The following HS3ST4 variants were observed in gnomAD, a reference collection of about 807,000 sequenced individuals.
HS3ST4 encodes heparan sulfate-glucosamine 3-sulfotransferase 4.
A neutral mutation model predicts 29.2 loss-of-function variants in HS3ST4; 17 were observed. The ratio of observed to expected loss-of-function variants is 0.58; its 90% confidence interval spans 0.40 to 0.87. The LOEUF (loss-of-function observed/expected upper bound fraction) is 0.87, where lower values mean the gene tolerates loss of function less well. Among genes scored for constraint, HS3ST4 ranks in the 40% least tolerant of loss-of-function variants. The pLI, the probability that HS3ST4 is intolerant of heterozygous loss-of-function variation, is 0.00. For synonymous variants in HS3ST4, 314 were observed against 285.7 expected (o/e 1.10, Z -1.00); for missense variants, 627 against 634.5 (o/e 0.99, Z 0.13).
At chr16:25,832,203 G>C (rs908465631) in intron 1 of HS3ST4, among the ~76,000 whole-genome samples, 2 of 152,184 alleles carry the variant, frequency 1.3e-5, no homozygotes, top group East Asian at 3.9e-4. Context: ...TCTCCATCAG[G>C]GTCTTGTTCC....
chr16:26,040,867 A>G (rs1969631187), intron 1 of HS3ST4, among the ~76,000 whole-genome samples: 2 of 151,990 alleles, frequency 1.3e-5, no homozygotes, highest in South Asian at 4.2e-4. Flanking sequence ...CCTAATTTTC[A>G]TATTACCTCA....
At chr16:25,870,070 C>G (rs1396239958) in intron 1 of HS3ST4, among the ~76,000 whole-genome samples, 1 of 149,056 alleles carries the variant, frequency 6.7e-6, no homozygotes, top group Non-Finnish European at 1.5e-5. Flanking sequence ...CATCATTCAT[C>G]CACTTATGCA....
At chr16:25,708,481 T>C (rs1039724102) in intron 1 of HS3ST4, among the ~76,000 whole-genome samples, 6 of 152,234 alleles carry the variant, frequency 3.9e-5, no homozygotes, top group African/African-American at 1.4e-4. Flanking sequence ...GCAGGTGGAA[T>C]TTTTCTTTCC....
At chr16:26,016,097 T>C (rs1969359797) in intron 1 of HS3ST4, among the ~76,000 whole-genome samples, 1 of 152,154 alleles carries the variant, frequency 6.6e-6, no homozygotes, top group African/African-American at 2.4e-5. Flanking sequence ...TTAGAGTAAA[T>C]CCAGAAATCA....
At chr16:25,906,154 G>C (rs1014773437) in intron 1 of HS3ST4, among the ~76,000 whole-genome samples, 3 of 152,142 alleles carry the variant, frequency 2.0e-5, no homozygotes, top group African/African-American at 7.2e-5. Flanking sequence ...TGGCAATTTG[G>C]GGTGTTGAGA....
intron 1 of HS3ST4, among the ~76,000 whole-genome samples, chr16:25,945,335 T>G (rs1209585605): frequency 2.6e-5 from 4 of 152,208 alleles, no homozygotes; most frequent in Non-Finnish European, 4.4e-5. Context: ...TACATGTTAA[T>G]GCATTTTTCA....
At chr16:25,718,665 G>A (rs1158925537) in intron 1 of HS3ST4, among the ~76,000 whole-genome samples, 1 of 152,132 alleles carries the variant, frequency 6.6e-6, no homozygotes, top group East Asian at 1.9e-4. Context: ...CTCCAATTAG[G>A]TATGATAACG....
intron 1 of HS3ST4, among the ~76,000 whole-genome samples, chr16:25,794,922 CACACACACACACACACAT>C (rs972938035): frequency 4.0e-5 from 6 of 149,348 alleles, no homozygotes; most frequent in African/African-American, 1.2e-4. Context: ...CACACACACA[CACACACACACACACACAT>C]ATATATTCAT....
intron 1 of HS3ST4, among the ~76,000 whole-genome samples, chr16:25,810,682 C>T (rs2141628156): frequency 6.6e-6 from 1 of 152,290 alleles, no homozygotes; most frequent in African/African-American, 2.4e-5. Flanking sequence ...CAGTGCCTAG[C>T]ATATAATATG....
intron 1 of HS3ST4, among the ~76,000 whole-genome samples, chr16:25,984,703 C>T (rs1489817535): frequency 6.6e-6 from 1 of 152,164 alleles, no homozygotes; most frequent in Non-Finnish European, 1.5e-5. Context: ...AACATAATGC[C>T]CTCCAGTTCC....
chr16:25,753,858 A>G (rs538803881), intron 1 of HS3ST4, among the ~76,000 whole-genome samples: 8 of 152,096 alleles, frequency 5.3e-5, no homozygotes, highest in Non-Finnish European at 1.2e-4. Context: ...ATTTTCCCGT[A>G]TTTATTCAGC....
chr16:26,052,446 A>G (rs1248879843), intron 1 of HS3ST4, among the ~76,000 whole-genome samples: 3 of 152,092 alleles, frequency 2.0e-5, no homozygotes, highest in African/African-American at 7.2e-5. Flanking sequence ...TTTCGGCTCA[A>G]TGCAACCTCT....
At chr16:26,070,272 C>A in intron 1 of HS3ST4, among the ~76,000 whole-genome samples, 1 of 152,126 alleles carries the variant, frequency 6.6e-6, no homozygotes, top group African/African-American at 2.4e-5. Flanking sequence ...GATGATATGT[C>A]ATTGTGGTTT....
In HS3ST4 at chr16:26,054,269, G is replaced by GGAGAAAGAGA. The variant is rs1555481159; in HGVS notation, c.735-81339_735-81338insAAGAGAGAGA. Among the ~76,000 whole-genome samples, 946 of 133,736 alleles carry GGAGAAAGAGA rather than the reference G, an allele frequency of 7.1e-3. 12 individuals carry two copies. The highest frequency in any genetic ancestry group is 0.026 in the African/African-American group (899 of 35,056). 87.7% of individuals were successfully genotyped at this position (133,736 alleles called of 152,430 possible). A position where few individuals can be genotyped will look rare whatever the true frequency, so the allele number is the denominator to read the frequency against. On this transcript the variant is annotated intron_variant, in intron 1 of 1. Transcript: ENST00000331351. ...GAAGGAGAGAGAGAGACAGAGAGAG[G>GGAGAAAGAGA]GAGAGAGAGAGAGAGAGAGAGAGAG... is the stretch of plus-strand genomic sequence containing the variant.
intron 1 of HS3ST4, among the ~76,000 whole-genome samples, chr16:25,977,963 G>A (rs543459248): frequency 6.6e-5 from 10 of 152,172 alleles, no homozygotes; most frequent in Non-Finnish European, 8.8e-5. Context: ...GGCTTTTGGA[G>A]AGAGGCTGAC....
chr16:26,073,620 T>G (rs1250439196), intron 1 of HS3ST4, among the ~76,000 whole-genome samples: 1 of 152,126 alleles, frequency 6.6e-6, no homozygotes, highest in African/African-American at 2.4e-5. Context: ...TGATCCTCCC[T>G]CCTCGGCCTC....
intron 1 of HS3ST4, among the ~76,000 whole-genome samples, chr16:26,133,999 A>G (rs967483877): frequency 6.6e-6 from 1 of 152,202 alleles, no homozygotes; most frequent in Admixed American, 6.5e-5. Context: ...TGCCTGTAGC[A>G]AATTGACTGT....
At chr16:25,789,215 G>T (rs116984972) in intron 1 of HS3ST4, among the ~76,000 whole-genome samples, 3 of 151,920 alleles carry the variant, frequency 2.0e-5, no homozygotes, top group Non-Finnish European at 2.9e-5. Flanking sequence ...CTGATAGAAG[G>T]TTCCAGGTCC....
intron 1 of HS3ST4, among the ~76,000 whole-genome samples, chr16:25,956,995 C>G (rs1968740784): frequency 1.5e-5 from 1 of 64,556 alleles, no homozygotes; most frequent in Non-Finnish European, 2.8e-5. Context: ...GAGACTCCGT[C>G]TCAAAAAAAA....
Sources: gnomAD v4.1 joint callset for allele counts (sites outside exome capture counted in the v4.1 genomes callset) on GRCh38, gnomAD v4.1.1 for gene constraint, MANE v1.5 for transcripts, NCBI Gene and HGNC (gene_info 2026-07-23, HGNC 2026-07-21) for gene names.